Variants in TBC1D9 observed in about 807,000 individuals in gnomAD.
TBC1D9 encodes TBC1 domain family member 9A.
Under a neutral mutation model 132.0 loss-of-function variants are expected in TBC1D9, and 63 were observed. The ratio of observed to expected loss-of-function variants is 0.48; its 90% CI spans 0.39 to 0.59. The LOEUF (loss-of-function observed/expected upper bound fraction) is 0.59, where lower values mean the gene tolerates loss of function less well. Ranked by LOEUF, TBC1D9 falls within the 20% of genes least tolerant of loss-of-function variation. The pLI is 0.00. For synonymous variants in TBC1D9, 610 were observed against 609.9 expected, an observed-to-expected ratio of 1.00 and a Z score of 0.00; for missense variants, 1,261 against 1,592.7, an observed-to-expected ratio of 0.79 and a Z score of 3.54.
chr4:140,714,205 A>G (rs1447429113), intron 1 of TBC1D9, among the ~76,000 whole-genome samples: 1 of 152,174 alleles, frequency 6.6e-6, no homozygotes, highest in Non-Finnish European at 1.5e-5. Flanking sequence ...AAGCTCTGTA[A>G]AATATTTAAA....
intron 8 of TBC1D9, among the ~76,000 whole-genome samples, chr4:140,669,342 T>A (rs1319647743): frequency 6.6e-6 from 1 of 152,172 alleles, no homozygotes; most frequent in Non-Finnish European, 1.5e-5. Flanking sequence ...CAAGTGAAAG[T>A]AAGTTAATGA....
chr4:140,645,071 C>A, intron 13 of TBC1D9: 1 of 509,510 alleles, frequency 2.0e-6, no homozygotes. Context: ...AGCCTGCCAG[C>A]ACTGGGCCCC....
intron 2 of TBC1D9, among the ~76,000 whole-genome samples, chr4:140,689,902 C>T (rs2111029292): frequency 1.3e-5 from 2 of 150,444 alleles, no homozygotes; most frequent in South Asian, 4.3e-4. Context: ...GTGTGTCTCA[C>T]TACACCCTGT....
chr4:140,657,044 T>C, intron 13 of TBC1D9, 53 bp downstream of exon 13: 3 of 1,593,954 alleles, frequency 1.9e-6, no homozygotes, highest in Non-Finnish European at 2.6e-6. Flanking sequence ...CAGGCAGCAG[T>C]GGAAGTGTCG....
At chr4:140,688,797 C>T (rs1272727499) in intron 2 of TBC1D9, among the ~76,000 whole-genome samples, 1 of 152,180 alleles carries the variant, frequency 6.6e-6, no homozygotes, top group African/African-American at 2.4e-5. Context: ...ATGCAAATTA[C>T]AATGCCTATT....
At chr4:140,687,343 C>CTT (rs1491570009) in intron 2 of TBC1D9, among the ~76,000 whole-genome samples, 11 of 37,874 alleles carry the variant, frequency 2.9e-4, no homozygotes, top group Admixed American at 7.3e-4. Flanking sequence ...GTGTGTGTGT[C>CTT]ATATATATAT....
At position 140,735,436 on chromosome 4, in the gene TBC1D9, G is replaced by A. The variant is rs190167587; in HGVS notation, c.130+20480C>T. 4.9e-4 allele frequency among the ~76,000 whole-genome samples: 75 copies of A among 152,302 alleles called. No individual in the cohort carries two copies. In the East Asian group the frequency reaches 0.013, roughly 26 times the overall value. On this transcript the variant is annotated intron_variant, in intron 1 of 20. Transcript: ENST00000442267. ...TTTTATAAGCATATATGTCAGCTGG[G>A]CATGGTAGCTCACGCCTGTAATTCC...
chr4:140,728,664 G>A (rs1429204004), intron 1 of TBC1D9, among the ~76,000 whole-genome samples: 2 of 151,122 alleles, frequency 1.3e-5, no homozygotes, highest in African/African-American at 4.9e-5. Context: ...ACCACGCTCG[G>A]CTTTTTTTGT....
At chr4:140,730,487 G>C (rs1276200083) in intron 1 of TBC1D9, among the ~76,000 whole-genome samples, 1 of 152,174 alleles carries the variant, frequency 6.6e-6, no homozygotes, top group Non-Finnish European at 1.5e-5. Flanking sequence ...AGCACTTTGG[G>C]AGGCCGAGGC....
intron 1 of TBC1D9, among the ~76,000 whole-genome samples, chr4:140,718,937 T>C (rs574514355): frequency 1.3e-5 from 2 of 151,966 alleles, no homozygotes; most frequent in African/African-American, 4.8e-5. Context: ...CAAAAAAAAT[T>C]TGTATTTTTA....
intron 9 of TBC1D9, among the ~76,000 whole-genome samples, chr4:140,665,940 T>G (rs1463660781): frequency 6.6e-6 from 1 of 152,066 alleles, no homozygotes; most frequent in Admixed American, 6.6e-5. Flanking sequence ...CTCCTTGGCC[T>G]CCCAAAGTGC....
rs894115448 is a variant in TBC1D9, at chr4:140,643,790, G to A, written c.2338-4362C>T. 1.8e-5 allele frequency: 16 copies of A among 866,824 alleles called. No individual in the cohort carries two copies. In the African/African-American group the frequency reaches 2.5e-4, roughly 13 times the overall value. The allele number at this position is 866,824 out of a possible 1,614,324, so 53.7% of individuals were successfully genotyped here. A position where few individuals can be genotyped will look rare whatever the true frequency, so the allele number is the denominator to read the frequency against. On this transcript the variant is annotated intron_variant, in intron 13 of 20. Transcript: ENST00000442267. ...AGTCTGGGCACTCAGAGGGCTCGGT[G>A]CAGCCCTGCCCGGTGGCACTCAGCG...
At chr4:140,659,764 G>T in intron 10 of TBC1D9, 59 bp from the exon 11 acceptor site, 11 of 1,204,934 alleles carry the variant, frequency 9.1e-6, no homozygotes, top group Non-Finnish European at 1.2e-5. Flanking sequence ...AATTCTGTTA[G>T]CATATTAAAA....
At chr4:140,704,303 A>C (rs1163648116) in intron 1 of TBC1D9, among the ~76,000 whole-genome samples, 2 of 152,074 alleles carry the variant, frequency 1.3e-5, no homozygotes, top group Non-Finnish European at 2.9e-5. Flanking sequence ...AGGGAGGCTG[A>C]GGCAGGAGAA....
intron 1 of TBC1D9, among the ~76,000 whole-genome samples, chr4:140,704,869 ACC>A (rs1738127260): frequency 1.3e-5 from 2 of 152,224 alleles, no homozygotes; most frequent in Non-Finnish European, 2.9e-5. Flanking sequence ...ATGCAAGTTC[ACC>A]AACCCTACCT....
chr4:140,694,831 C>T, intron 2 of TBC1D9, among the ~76,000 whole-genome samples: 1 of 150,934 alleles, frequency 6.6e-6, no homozygotes, highest in Non-Finnish European at 1.5e-5. Flanking sequence ...ATTTTGTTTT[C>T]TTTTTTATTC....
chr4:140,707,490 T>C (rs1560891777), intron 1 of TBC1D9, among the ~76,000 whole-genome samples: 1 of 152,214 alleles, frequency 6.6e-6, no homozygotes, highest in Non-Finnish European at 1.5e-5. Context: ...ATCACTTCCA[T>C]GCCTGGCTTA....
chr4:140,642,027 A>G lies in TBC1D9; in HGVS notation c.2338-2599T>C, dbSNP rs575915738. The stretch of plus-strand genomic sequence containing the variant: ...CCTTAGCCTCTCGAAGCAGCAAACA[A>G]AACCACTGCTTCCTGCTGGTGGCTG... On this transcript the variant is annotated intron_variant, in intron 13 of 20. Transcript: ENST00000442267. 42 of 655,952 alleles carry G rather than the reference A, an allele frequency of 6.4e-5. No individual in the cohort carries two copies. In the East Asian group the frequency reaches 1.1e-3, roughly 17 times the overall value. The allele number at this position is 655,952 out of a possible 1,614,324, so 40.6% of individuals were successfully genotyped here. A position where few individuals can be genotyped will look rare whatever the true frequency, so the allele number is the denominator to read the frequency against.
At chr4:140,739,151 C>T (rs1278871954) in intron 1 of TBC1D9, among the ~76,000 whole-genome samples, 4 of 152,092 alleles carry the variant, frequency 2.6e-5, no homozygotes, top group Admixed American at 2.0e-4. Context: ...CGTGTGCCAC[C>T]ATGCCAACTG....
Sources: gnomAD v4.1 joint callset for allele counts (sites outside exome capture counted in the v4.1 genomes callset) on GRCh38, gnomAD v4.1.1 for gene constraint, MANE v1.5 for transcripts, NCBI Gene and HGNC (gene_info 2026-07-23, HGNC 2026-07-21) for gene names.